Variants in SLCO4A1 observed in about 807,000 individuals in gnomAD.
The protein encoded by SLCO4A1 is solute carrier organic anion transporter family member 4A1.
SLCO4A1 carries 51 observed loss-of-function variants against 64.6 expected under a neutral mutation model. The observed-to-expected ratio is 0.79, with a 90% CI of 0.63 to 1.00. The LOEUF is 1.00. SLCO4A1 is among the 50% of genes least tolerant of loss of function. The pLI, the probability that SLCO4A1 is intolerant of heterozygous loss-of-function variation, is 0.00. For missense variants in SLCO4A1, 919 were observed against 980.5 expected (o/e 0.94, Z 0.84); for synonymous variants, 471 against 444.9 (o/e 1.06, Z -0.74).
At chr20:62,675,708 C>T (rs1376885722), downstream of SLCO4A1, among the ~76,000 whole-genome samples, 1 of 152,236 alleles carries the variant, frequency 6.6e-6, no homozygotes, top group Non-Finnish European at 1.5e-5. Flanking sequence ...ACAGGCCCCC[C>T]GCTTCTCCGG....
At chr20:62,658,522 C>T (rs555438243) in intron 2 of SLCO4A1, among the ~76,000 whole-genome samples, 155 bp from the exon 3 acceptor site, 1 of 152,390 alleles carries the variant, frequency 6.6e-6, no homozygotes, top group East Asian at 1.9e-4. Flanking sequence ...GTGGCAACTG[C>T]ACAGACTCAT....
chr20:62,664,852 C>T, intron 5 of SLCO4A1, 82 bp from the exon 6 acceptor site: 3 of 1,356,520 alleles, frequency 2.2e-6, no homozygotes, highest in Non-Finnish European at 3.0e-6. Flanking sequence ...ACCACTCTGA[C>T]CCTCAGTCTC....
At position 62,644,227 on chromosome 20, in the gene SLCO4A1, C is replaced by T. The variant is rs533506403; in HGVS notation, c.-97+1674C>T. ...TGCTGGAGGGAGCCAGGGCAGAGGC[C>T]GGCCACTCGGTGAGACCTGGACGCT... is the stretch of plus-strand genomic sequence containing the variant. On this transcript the variant is annotated intron_variant, in intron 1 of 11. Coordinates refer to ENST00000217159, the MANE Select transcript of SLCO4A1 (RefSeq NM_016354.4). The surrounding 1 kb of genome is among the most constrained non-coding windows in gnomAD (Gnocchi z 5.4). Among the ~76,000 whole-genome samples, 177 of 152,352 alleles carry T rather than the reference C, an allele frequency of 1.2e-3. 1 individual carries two copies. The highest frequency in any genetic ancestry group is 3.9e-3 in the African/African-American group (164 of 41,586).
chr20:62,664,652 C>A (rs1318560743), intron 5 of SLCO4A1, among the ~76,000 whole-genome samples: 1 of 152,168 alleles, frequency 6.6e-6, no homozygotes, highest in Non-Finnish European at 1.5e-5. Context: ...CAGCCTGGCG[C>A]CCCCTGGGTT....
At position 62,653,178 on chromosome 20, in the gene SLCO4A1, G is replaced by C. The variant is rs1280178069; in HGVS notation, c.-96-3181G>C. Among the ~76,000 whole-genome samples the C allele has an allele frequency of 2.6e-5, 4 of 152,222 alleles. No homozygotes were observed. In the East Asian group the frequency reaches 7.7e-4, roughly 29 times the overall value. The stretch of plus-strand genomic sequence containing the variant: ...GAGCCTGGGGCTGAGGCATCCATTC[G>C]CTGAGAGGGCGAGACCTCCGATTCC... On this transcript the variant is annotated intron_variant, in intron 1 of 11. Transcript: ENST00000217159.
At chr20:62,658,047 C>G (rs1401974451) in intron 2 of SLCO4A1, among the ~76,000 whole-genome samples, 1 of 152,168 alleles carries the variant, frequency 6.6e-6, no homozygotes, top group African/African-American at 2.4e-5. Flanking sequence ...GTGCACGGCC[C>G]GCCTGACCCC....
intron 7 of SLCO4A1, among the ~76,000 whole-genome samples, chr20:62,667,041 G>A (rs894932721): frequency 1.2e-4 from 18 of 152,234 alleles, no homozygotes; most frequent in African/African-American, 3.6e-4. Context: ...CCTGCCCTGC[G>A]GGCCCCGGGA....
intron 1 of SLCO4A1, among the ~76,000 whole-genome samples, chr20:62,653,134 T>C (rs926183506): frequency 6.6e-6 from 1 of 152,240 alleles, no homozygotes; most frequent in Non-Finnish European, 1.5e-5. Flanking sequence ...TCACAGCAGC[T>C]GCCCGCCTTC....
intron 1 of SLCO4A1, among the ~76,000 whole-genome samples, chr20:62,647,059 GCTCGC>G (rs111310318): frequency 6.8e-4 from 104 of 152,384 alleles, no homozygotes; most frequent in African/African-American, 2.4e-3. Flanking sequence ...CTTCCTGCCT[GCTCGC>G]CTGTGCGAGG....
At chr20:62,673,096 G>A (rs1483618564), downstream of SLCO4A1, among the ~76,000 whole-genome samples, 2 of 143,420 alleles carry the variant, frequency 1.4e-5, no homozygotes, top group African/African-American at 5.0e-5. Flanking sequence ...CATAAGGAGA[G>A]GGGACCTGGG....
In SLCO4A1 at chr20:62,656,999, C is replaced by T. The variant is rs765572711; in HGVS notation, c.545C>T (p.Thr182Met). Reference sequence around the variant, plus strand: ...GGCTGGGGCGTGCTGCTTATGGGCACGGGGTCGCTGGTGTTCGCGCTGCCC... The same window carrying T: ...GGCTGGGGCGTGCTGCTTATGGGCATGGGGTCGCTGGTGTTCGCGCTGCCC... Reference protein sequence around the residue: ...WLGWGVLLMGTGSLVFALPHF... With the variant: ...WLGWGVLLMGMGSLVFALPHF... The change falls in exon 2 of 12, where the codon ACG (threonine) becomes ATG (methionine). Residue 182 changes from threonine to methionine, a missense_variant. By Grantham distance (81) the Thr-to-Met change is moderately conservative (BLOSUM62 -1). Transcript: ENST00000217159. 19 of 1,573,778 alleles carry T rather than the reference C, an allele frequency of 1.2e-5. No homozygotes were observed. The highest frequency in any genetic ancestry group is 2.7e-5 in the African/African-American group (2 of 74,426).
downstream of SLCO4A1, among the ~76,000 whole-genome samples, chr20:62,690,135 G>A (rs1476500668): frequency 6.6e-6 from 1 of 152,184 alleles, no homozygotes; most frequent in Non-Finnish European, 1.5e-5. Context: ...GATGGTCCTG[G>A]CCCCCTCCCT....
chr20:62,666,126 T>TTCCCCTTCCCCTTCCCCG (rs2147098041), intron 6 of SLCO4A1: 1 of 34,000 alleles, frequency 2.9e-5, no homozygotes, highest in South Asian at 1.2e-3. Flanking sequence ...CCGCTCCCCC[T>TTCCCCTTCCCCTTCCCCG]TCCCCTTCCC....
Position 62,672,144 on chromosome 20 carries a change from T to C in SLCO4A1, c.*251T>C, listed in dbSNP as rs1987313944. ...CAGAACGTGTTTATAGAATGTGTTT[T>C]ATACCCGATCGTGTGTGGTGTGCGT... On this transcript the variant is annotated 3_prime_UTR_variant, in exon 12 of 12. Coordinates refer to ENST00000217159, the MANE Select transcript of SLCO4A1 (RefSeq NM_016354.4). 2 of 1,389,546 alleles carry C rather than the reference T, an allele frequency of 1.4e-6. No individual in the cohort carries two copies. The allele number at this position is 1,389,546 out of a possible 1,614,324, so 86.1% of individuals were successfully genotyped here. A position where few individuals can be genotyped will look rare whatever the true frequency, so the allele number is the denominator to read the frequency against.
At chr20:62,666,984 G>A (rs1986465727) in intron 7 of SLCO4A1, among the ~76,000 whole-genome samples, 1 of 152,220 alleles carries the variant, frequency 6.6e-6, no homozygotes, top group South Asian at 2.1e-4. Flanking sequence ...TGGTCAGGTG[G>A]CAATTAGGGA....
intron 10 of SLCO4A1, among the ~76,000 whole-genome samples, 173 bp downstream of exon 10, chr20:62,668,714 G>A (rs1986821962): frequency 6.6e-6 from 1 of 152,204 alleles, no homozygotes; most frequent in African/African-American, 2.4e-5. Context: ...TCATTTATTT[G>A]CCCAAAGGCT....
At chr20:62,668,317 A>G in intron 9 of SLCO4A1, 133 bp downstream of exon 9, 1 of 1,258,636 alleles carries the variant, frequency 7.9e-7, no homozygotes, top group Non-Finnish European at 1.2e-6. Context: ...CACTGGTGGC[A>G]GGAGAGACCT....
intron 1 of SLCO4A1, chr20:62,649,000 G>T (rs1218648988): frequency 6.6e-6 from 1 of 152,250 alleles, no homozygotes; most frequent in African/African-American, 2.4e-5. Context: ...GTTATCCAGA[G>T]AAACACAACC....
rs760982647 is a variant in SLCO4A1 at position 62,656,666 on chromosome 20, G to A, written c.212G>A (p.Gly71Glu). ...TGGGCCGAGAAGCATGGCGCCCGGG[G>A]GACCCATGAGGTGCGGTACGTCTCG... is the stretch of plus-strand genomic sequence containing the variant. ...QLWAEKHGARGTHEVRYVSAG... is the reference protein window; with the variant it reads ...QLWAEKHGARETHEVRYVSAG... Residue 71 changes from glycine (G) to glutamate (E), a missense_variant, in exon 2 of 12, where the codon GGG becomes GAG. Coordinates refer to ENST00000217159, the MANE Select transcript of SLCO4A1 (RefSeq NM_016354.4). 6.2e-7 allele frequency: 1 copy of A among 1,605,848 alleles called. No individual in the cohort carries two copies. The highest frequency in any genetic ancestry group is 1.7e-4 in the Middle Eastern group (1 of 6,050).
Sources: gnomAD v4.1 joint callset for allele counts (sites outside exome capture counted in the v4.1 genomes callset) on GRCh38, gnomAD v4.1.1 for gene constraint, Gnocchi (gnomAD v3.1) non-coding constraint, MANE v1.5 for transcripts, NCBI Gene and HGNC (gene_info 2026-07-23, HGNC 2026-07-21) for gene names.